GALNT1: variants seen among roughly 807,000 people sequenced by gnomAD.
GALNT1 encodes the protein GalNAc transferase 1.
In GALNT1, 17 loss-of-function variants were observed where a neutral mutation model predicts 65.7. That is an observed-to-expected ratio of 0.26 (90% confidence interval 0.18 to 0.39). The LOEUF is 0.39. GALNT1 is among the 10% of genes least tolerant of loss of function. GALNT1 has a pLI of 1.00. For missense variants in GALNT1, 460 were observed against 672.8 expected (o/e 0.68, Z 3.50); for synonymous variants, 210 against 219.7 (o/e 0.96, Z 0.39).
At chr18:35,644,843 T>C (rs1193982831) in intron 1 of GALNT1, among the ~76,000 whole-genome samples, 6 of 152,028 alleles carry the variant, frequency 3.9e-5, no homozygotes, top group African/African-American at 1.4e-4. Flanking sequence ...ATACAAAAAT[T>C]AGCTAGGCAT....
chr18:35,688,466 T>G (rs750066757), intron 6 of GALNT1, among the ~76,000 whole-genome samples: 1 of 152,204 alleles, frequency 6.6e-6, no homozygotes, highest in Non-Finnish European at 1.5e-5. Context: ...TTCATTTATT[T>G]AAATCTTCCT....
At chr18:35,587,671 A>C (rs926983290) in intron 1 of GALNT1, among the ~76,000 whole-genome samples, 1 of 152,226 alleles carries the variant, frequency 6.6e-6, no homozygotes, top group Non-Finnish European at 1.5e-5. Context: ...ATATTGAGCC[A>C]GCCTTACATC....
chr18:35,705,031 T>A (rs945192758), intron 11 of GALNT1, among the ~76,000 whole-genome samples: 1 of 152,214 alleles, frequency 6.6e-6, no homozygotes, highest in Non-Finnish European at 1.5e-5. Flanking sequence ...TCTGTTCCTT[T>A]TGTTGGCCTG....
intron 1 of GALNT1, among the ~76,000 whole-genome samples, chr18:35,593,354 T>G (rs1389461382): frequency 6.6e-6 from 1 of 152,152 alleles, no homozygotes; most frequent in African/African-American, 2.4e-5. Flanking sequence ...AGAAATCTAT[T>G]ACCAGGGGAT....
chr18:35,699,951 A>G (rs1450892340), intron 9 of GALNT1, among the ~76,000 whole-genome samples: 1 of 152,164 alleles, frequency 6.6e-6, no homozygotes, highest in African/African-American at 2.4e-5. Context: ...CATTTGATTC[A>G]GCATCCCTAG....
intron 1 of GALNT1, among the ~76,000 whole-genome samples, chr18:35,591,498 T>C (rs1350578622): frequency 6.6e-6 from 1 of 152,218 alleles, no homozygotes; most frequent in Non-Finnish European, 1.5e-5. Context: ...AGATAAGTGG[T>C]AAAGCTGGAC....
chr18:35,627,058 A>G (rs2144156330), intron 1 of GALNT1, among the ~76,000 whole-genome samples: 1 of 152,332 alleles, frequency 6.6e-6, no homozygotes, highest in East Asian at 1.9e-4. Context: ...AAATGCAATG[A>G]AAAATGTCAA....
chr18:35,626,092 C>G (rs777145570), intron 1 of GALNT1, among the ~76,000 whole-genome samples: 2 of 152,142 alleles, frequency 1.3e-5, no homozygotes, highest in Non-Finnish European at 2.9e-5. Context: ...CTTTTCCTAA[C>G]TCATACCAAT....
At chr18:35,613,016 G>GT (rs1193142539) in intron 1 of GALNT1, among the ~76,000 whole-genome samples, 2 of 152,120 alleles carry the variant, frequency 1.3e-5, no homozygotes, top group African/African-American at 4.8e-5. Context: ...TAGCTACCTT[G>GT]TTTAAGATCG....
chr18:35,685,178 A>G (rs988522181), intron 5 of GALNT1, among the ~76,000 whole-genome samples: 2 of 152,190 alleles, frequency 1.3e-5, no homozygotes, highest in Admixed American at 6.6e-5. Context: ...GAATGCTAGT[A>G]CAAAAATCTC....
At chr18:35,631,714 A>C (rs2047012927) in intron 1 of GALNT1, among the ~76,000 whole-genome samples, 1 of 152,160 alleles carries the variant, frequency 6.6e-6, no homozygotes, top group Admixed American at 6.5e-5. Context: ...CAGGGCAATC[A>C]GGCAGGAGAA....
chr18:35,707,370 G>T (rs1217785178), intron 11 of GALNT1, among the ~76,000 whole-genome samples: 2 of 152,144 alleles, frequency 1.3e-5, no homozygotes, highest in African/African-American at 4.8e-5. Flanking sequence ...CCTTAGTCCA[G>T]CTCTCTCTGA....
chr18:35,670,531 A>C (rs2047619370), intron 3 of GALNT1, among the ~76,000 whole-genome samples: 1 of 152,202 alleles, frequency 6.6e-6, no homozygotes, highest in Non-Finnish European at 1.5e-5. Flanking sequence ...TCCCACATTC[A>C]TGGGGTCAGA....
chr18:35,615,196 A>G (rs2046767977), intron 1 of GALNT1, among the ~76,000 whole-genome samples: 1 of 152,166 alleles, frequency 6.6e-6, no homozygotes, highest in Non-Finnish European at 1.5e-5. Flanking sequence ...AGATTTTAAG[A>G]TAGTGTAAAA....
At chr18:35,668,850 A>C in intron 3 of GALNT1, among the ~76,000 whole-genome samples, 1 of 152,350 alleles carries the variant, frequency 6.6e-6, no homozygotes, top group Non-Finnish European at 1.5e-5. Context: ...AATTTAGATG[A>C]AATTAGTAGT....
intron 9 of GALNT1, among the ~76,000 whole-genome samples, chr18:35,698,460 G>T (rs1276685681): frequency 6.6e-6 from 1 of 151,866 alleles, no homozygotes; most frequent in Non-Finnish European, 1.5e-5. Context: ...CAGAGCAAGA[G>T]ACTGTCTGAA....
intron 1 of GALNT1, among the ~76,000 whole-genome samples, chr18:35,589,210 C>T (rs1335043812): frequency 6.6e-5 from 10 of 151,932 alleles, no homozygotes; most frequent in Non-Finnish European, 4.4e-5. Context: ...CCAGGATATC[C>T]GGGGGAGAGG....
chr18:35,667,915 C>T (rs562942487), intron 3 of GALNT1, among the ~76,000 whole-genome samples: 1 of 152,274 alleles, frequency 6.6e-6, no homozygotes, highest in African/African-American at 2.4e-5. Flanking sequence ...TGGACAGGTT[C>T]ATTACATGTT....
chr18:35,662,609 A>G (rs1322996764), intron 2 of GALNT1, among the ~76,000 whole-genome samples: 4 of 152,092 alleles, frequency 2.6e-5, no homozygotes, highest in South Asian at 4.1e-4. Context: ...TGATGCCACT[A>G]TTTTTTGTTT....
Sources: gnomAD v4.1 joint callset for allele counts (sites outside exome capture counted in the v4.1 genomes callset) on GRCh38, gnomAD v4.1.1 for gene constraint, MANE v1.5 for transcripts, NCBI Gene and HGNC (gene_info 2026-07-23, HGNC 2026-07-21) for gene names.